CDHR5: variants seen among roughly 807,000 people sequenced by gnomAD.
CDHR5 encodes cadherin-related family member 5.
A neutral mutation model predicts 69.5 loss-of-function variants in CDHR5; 82 were observed. The ratio of observed to expected loss-of-function variants is 1.18; its 90% CI spans 0.99 to 1.42. The LOEUF (loss-of-function observed/expected upper bound fraction) is 1.42. Among genes scored for constraint, CDHR5 ranks in the 40% most tolerant of loss-of-function variants. The probability of loss-of-function intolerance (pLI) is 0.00; values close to 1 mark genes in which losing one functional copy is unlikely to be tolerated. For missense variants in CDHR5, 1,293 were observed against 1,168.9 expected (o/e 1.11, Z -1.55); for synonymous variants, 601 against 510.2 (o/e 1.18, Z -2.40).
chr11:617,216 C>G lies in CDHR5; in HGVS notation c.*135G>C. 1.5e-6 allele frequency: 1 copy of G among 674,256 alleles called. No individual in the cohort carries two copies. The allele number at this position is 674,256 out of a possible 1,614,324, so 41.8% of individuals were successfully genotyped here. Reference sequence around the variant, plus strand: ...CGACAGGGGACTGAGTGAATGGGACCCCCATGGACCCGCGCGCCTGCCCCA... The same window carrying G: ...CGACAGGGGACTGAGTGAATGGGACGCCCATGGACCCGCGCGCCTGCCCCA... On this transcript the variant is annotated 3_prime_UTR_variant, in exon 15 of 15. Coordinates refer to ENST00000397542, the MANE Select transcript of CDHR5 (RefSeq NM_021924.5).
rs200327129 is a variant in CDHR5 at position 621,613 on chromosome 11, C to T, written c.456G>A (p.Glu152=). The change falls in exon 5 of 15, where the codon GAG becomes GAA. Residue 152 remains glutamate, a synonymous_variant. Coordinates refer to ENST00000397542, the MANE Select transcript of CDHR5 (RefSeq NM_021924.5). The surrounding 1 kb of genome is among the most constrained non-coding windows in gnomAD (Gnocchi z 4.4). The part of the protein sequence containing the change: ...TVIPETQLQA[E]DRDKDDILFY... The stretch of plus-strand genomic sequence containing the variant: ...ACAGAATGTCGTCCTTGTCGCGGTC[C>T]TCAGCCTGCAGTTGCGTCTCGGGGA... 6.2e-7 allele frequency: 1 copy of T among 1,613,742 alleles called. No individual in the cohort carries two copies.
intron 3 of CDHR5, among the ~76,000 whole-genome samples, chr11:623,197 T>C (rs1317158793): frequency 6.6e-6 from 1 of 152,006 alleles, no homozygotes; most frequent in Non-Finnish European, 1.5e-5. Flanking sequence ...TAATCCCAGC[T>C]ACTCAAGAGG....
At chr11:620,857 T>C (rs1361750319) in intron 7 of CDHR5, among the ~76,000 whole-genome samples, 1 of 152,158 alleles carries the variant, frequency 6.6e-6, no homozygotes, top group Non-Finnish European at 1.5e-5. Flanking sequence ...CGCCTGGCTC[T>C]GGGGCCCACG....
At position 616,639 on chromosome 11, in the gene CDHR5, G is replaced by C. The variant is rs1856909947; in HGVS notation, c.*712C>G. The C allele has an allele frequency of 6.5e-6, 1 of 152,756 alleles. No individual in the cohort carries two copies. Among genetic ancestry groups the C allele is most frequent in the Admixed American group, 6.5e-5 (1 of 15,280 alleles). 9.5% of individuals were successfully genotyped at this position (152,756 alleles called of 1,614,324 possible). A position where few individuals can be genotyped will look rare whatever the true frequency, so the allele number is the denominator to read the frequency against. On this transcript the variant is annotated 3_prime_UTR_variant, in exon 15 of 15. Transcript: ENST00000397542. ...AGGGAAAGTGCTGACAAGCCGCAAG[G>C]GATCCCTTGATGGTTCTGGGCATGG...
chr11:617,466 G>C lies in CDHR5; in HGVS notation c.2423C>G (p.Ala808Gly), dbSNP rs758506352. The C allele has an allele frequency of 6.2e-7, 1 of 1,612,690 alleles. No individual in the cohort carries two copies. The highest frequency in any genetic ancestry group is 8.5e-7 in the Non-Finnish European group (1 of 1,179,822). Residue 808 changes from alanine (A) to glycine (G), a missense_variant, in exon 15 of 15, where the codon GCG becomes GGG. Transcript: ENST00000397542. ...GTEADVVVLNAPTLDVDGASD... is the reference protein window; with the variant it reads ...GTEADVVVLNGPTLDVDGASD... ...GGCGCCATCCACGTCCAGGGTGGGC[G>C]CGTTGAGAACGACCACGTCTGCCTC...
Position 621,186 on chromosome 11 carries a change from A to C in CDHR5, c.683T>G (p.Val228Gly). ...TATATLVLNV[V>G]PADLRPPWFL... ...CCACGGGGGCCGCAGGTCGGCGGGCACCACGTTCAGCACTAGTGTGGCGGT... is the reference window on the plus strand; with the variant it reads ...CCACGGGGGCCGCAGGTCGGCGGGCCCCACGTTCAGCACTAGTGTGGCGGT... Residue 228 changes from valine (V) to glycine (G), a missense_variant, in exon 7 of 15, where the codon GTG (valine) becomes GGG (glycine). Val to Gly is a moderately radical substitution (Grantham distance 109). Transcript: ENST00000397542. This position sits in a 1 kb window ranked among gnomAD's most constrained non-coding sequence, Gnocchi z 4.4. 1 of 1,605,848 alleles carries C rather than the reference A, an allele frequency of 6.2e-7. No individual in the cohort carries two copies. The highest frequency in any genetic ancestry group is 8.5e-7 in the Non-Finnish European group (1 of 1,175,818).
chr11:618,967 TGGTGGGA>T lies in CDHR5; in HGVS notation c.1585_1591del (p.Ser529AsnfsTer244). The stretch of plus-strand genomic sequence containing the variant: ...TGTGTCCCCACCGGGAGTGGCTGGT[TGGTGGGA>T]GGTGCTGTTTTCTGCACCCGGGGGC... On this transcript the variant is annotated frameshift_variant, in exon 13 of 15. Coordinates refer to ENST00000397542, the MANE Select transcript of CDHR5 (RefSeq NM_021924.5). LOFTEE classifies it high-confidence loss of function. 6.2e-7 allele frequency: 1 copy of T among 1,612,360 alleles called. No individual in the cohort carries two copies. The highest frequency in any genetic ancestry group is 8.5e-7 in the Non-Finnish European group (1 of 1,179,562).
At chr11:619,989 G>GGCCCCC in intron 9 of CDHR5, 78 bp downstream of exon 9, 2 of 1,262,980 alleles carry the variant, frequency 1.6e-6, no homozygotes, top group Non-Finnish European at 2.2e-6. Context: ...CCCTGCCCCG[G>GGCCCCC]CCCCCCAGCC....
At chr11:622,427 TTTTTTTTTTTTGGTTTTTG>T (rs974755529) in intron 3 of CDHR5, among the ~76,000 whole-genome samples, 1 of 151,470 alleles carries the variant, frequency 6.6e-6, no homozygotes, top group Non-Finnish European at 1.5e-5. Flanking sequence ...TTCTCTGTTT[TTTTTTTTTTTTGGTTTTTG>T]TTTTTGTTTT....
At chr11:622,159 C>T (rs1857451751) in intron 3 of CDHR5, among the ~76,000 whole-genome samples, 2 of 152,214 alleles carry the variant, frequency 1.3e-5, no homozygotes, top group Non-Finnish European at 2.9e-5. Context: ...GTGGGGTGCA[C>T]CCCTCGACGG....
chr11:620,206 C>A, intron 8 of CDHR5, 42 bp from the exon 9 acceptor site: 1 of 1,590,462 alleles, frequency 6.3e-7, no homozygotes, highest in South Asian at 1.1e-5. Context: ...CCCCCTGAGG[C>A]CCAGGGACCC....
In CDHR5 at chr11:617,411, C is replaced by G. The variant is rs528202606; in HGVS notation, c.2478G>C (p.Glu826Asp). 2.5e-6 allele frequency: 4 copies of G among 1,611,670 alleles called. No individual in the cohort carries two copies. The African/African-American group carries it at 5.3e-5, about 21-fold the overall frequency. Reference sequence around the variant, plus strand: ...AGGGACCCCCACCCCTCCCCGCGCCCTCGCCCTCATCGCCGCTGCCGGAGT... The same window carrying G: ...AGGGACCCCCACCCCTCCCCGCGCCGTCGCCCTCATCGCCGCTGCCGGAGT... ...ASDSGSGDEG[E>D]GAGRGGGPYD... The change falls in exon 15 of 15, where the codon GAG becomes GAC. Residue 826 changes from glutamate (E) to aspartate (D), a missense_variant. Coordinates refer to ENST00000397542, the MANE Select transcript of CDHR5 (RefSeq NM_021924.5).
rs377660837 is a variant in CDHR5, at chr11:618,014, G to T, written c.2058C>A (p.Leu686=). 141 of 1,612,242 alleles carry T rather than the reference G, an allele frequency of 8.7e-5. No homozygotes were observed. The highest frequency in any genetic ancestry group is 1.2e-4 in the Non-Finnish European group (136 of 1,179,808). Residue 686 remains leucine, a synonymous_variant, in exon 14 of 15, where the codon CTC becomes CTA. Coordinates refer to ENST00000397542, the MANE Select transcript of CDHR5 (RefSeq NM_021924.5). ...CATAGTGCTTGTGGACAAGGACGGC[G>T]AGGCCAAGGAGAGCCAGCAGCAGCA... ...GALLLLALLG[L]AVLVHKHYGP...
At position 621,628 on chromosome 11, in the gene CDHR5, C is replaced by T. The variant is rs780450620; in HGVS notation, c.441G>A (p.Thr147=). The T allele has an allele frequency of 3.5e-5, 57 of 1,613,578 alleles. No homozygotes were observed. Among genetic ancestry groups the T allele is most frequent in the Non-Finnish European group, 4.4e-5 (52 of 1,179,776 alleles). The change falls in exon 5 of 15, where the codon ACG becomes ACA. Residue 147 remains threonine (T), a synonymous_variant. Coordinates refer to ENST00000397542, the MANE Select transcript of CDHR5 (RefSeq NM_021924.5). This position sits in a 1 kb window ranked among gnomAD's most constrained non-coding sequence, Gnocchi z 4.4. ...TGTCGCGGTCCTCAGCCTGCAGTTG[C>T]GTCTCGGGGATGACGGTGGAGTTCA... is the stretch of plus-strand genomic sequence containing the variant. ...TKVNSTVIPE[T]QLQAEDRDKD...
In CDHR5 at chr11:621,093, G is replaced by T. The variant is rs199760609; in HGVS notation, c.776C>A (p.Thr259Lys). Residue 259 changes from threonine to lysine, a missense_variant, in exon 7 of 15, where the codon ACG (threonine) becomes AAG (lysine). By Grantham distance (78) the Thr-to-Lys change is moderately conservative. Transcript: ENST00000397542. This position sits in a 1 kb window ranked among gnomAD's most constrained non-coding sequence, Gnocchi z 4.4. ...CCTCCCCATTACCAGTATGTGCCCCGTGGGGACAGCCCCGTGGTACTGAGC... is the reference window on the plus strand; with the variant it reads ...CCTCCCCATTACCAGTATGTGCCCCTTGGGGACAGCCCCGTGGTACTGAGC... ...IQAQYHGAVPTGHILPSPLVL... is the reference protein window; with the variant it reads ...IQAQYHGAVPKGHILPSPLVL... 6.5e-6 allele frequency: 10 copies of T among 1,536,242 alleles called. No homozygotes were observed. Among genetic ancestry groups the T allele is most frequent in the Middle Eastern group, 1.8e-4 (1 of 5,672 alleles).
At position 617,055 on chromosome 11, in the gene CDHR5, C is replaced by T; in HGVS notation, c.*296G>A. On this transcript the variant is annotated 3_prime_UTR_variant, in exon 15 of 15. Coordinates refer to ENST00000397542, the MANE Select transcript of CDHR5 (RefSeq NM_021924.5). ...TGGTTAGAGCGGGAGAGGAACTTCC[C>T]AGACTAGCTGGCACAGAGCCTCGGG... 1 of 462,152 alleles carries T rather than the reference C, an allele frequency of 2.2e-6. No homozygotes were observed. The highest frequency in any genetic ancestry group is 3.2e-5 in the South Asian group (1 of 31,010). 28.6% of individuals were successfully genotyped at this position (462,152 alleles called of 1,614,324 possible). A position where few individuals can be genotyped will look rare whatever the true frequency, so the allele number is the denominator to read the frequency against.
rs1166484143 is a variant in CDHR5 at position 621,925 on chromosome 11, C to T, written c.313-21G>A. 6.3e-7 allele frequency: 1 copy of T among 1,592,696 alleles called. No individual in the cohort carries two copies. The highest frequency in any genetic ancestry group is 1.3e-5 in the African/African-American group (1 of 74,522). Reference sequence around the variant, plus strand: ...GTCACCTGCAGGATGTGGCCGTCAGCCTCTCCCACAGCCCCTCCCCGTTGT... The same window carrying T: ...GTCACCTGCAGGATGTGGCCGTCAGTCTCTCCCACAGCCCCTCCCCGTTGT... On this transcript the variant is annotated intron_variant, in intron 3 of 14. Transcript: ENST00000397542. This position sits in a 1 kb window ranked among gnomAD's most constrained non-coding sequence, Gnocchi z 4.4.
In CDHR5 at chr11:617,251, C is replaced by T. The variant is rs893555462; in HGVS notation, c.*100G>A. 3 of 973,256 alleles carry T rather than the reference C, an allele frequency of 3.1e-6. No individual in the cohort carries two copies. The highest frequency in any genetic ancestry group is 1.6e-5 in the South Asian group (1 of 62,492). 60.3% of individuals were successfully genotyped at this position (973,256 alleles called of 1,614,324 possible). A position where few individuals can be genotyped will look rare whatever the true frequency, so the allele number is the denominator to read the frequency against. ...CCGCGCGCCTGCCCCACGCCATGGC[C>T]TGGGTTTCGGGAGCCTTGCTTTATT... On this transcript the variant is annotated 3_prime_UTR_variant, in exon 15 of 15. Coordinates refer to ENST00000397542, the MANE Select transcript of CDHR5 (RefSeq NM_021924.5).
Position 617,615 on chromosome 11 carries a change from G to GGC in CDHR5, c.2272_2273dup (p.Glu760LeufsTer16). Reference sequence around the variant, plus strand: ...CTCGGGCCGCTGCGGGGGGCTCAGGGGCACCGCCTGGGGAGGCAGGGCCGG... The same window carrying GGC: ...CTCGGGCCGCTGCGGGGGGCTCAGGGGCGCACCGCCTGGGGAGGCAGGGCCGG... On this transcript the variant is annotated frameshift_variant, in exon 15 of 15. Transcript: ENST00000397542. LOFTEE classifies it low-confidence loss of function (END_TRUNC). 6.3e-7 allele frequency: 1 copy of GGC among 1,597,904 alleles called. No individual in the cohort carries two copies. Among genetic ancestry groups the GGC allele is most frequent in the Non-Finnish European group, 8.5e-7 (1 of 1,172,738 alleles).
Sources: allele counts gnomAD v4.1 joint callset (sites outside exome capture counted in the v4.1 genomes callset), GRCh38; gene constraint gnomAD v4.1.1; non-coding constraint Gnocchi (gnomAD v3.1); transcripts MANE v1.5; gene names NCBI Gene and HGNC (gene_info 2026-07-23, HGNC 2026-07-21).